Variants in VWC2L observed in about 807,000 individuals in gnomAD.
VWC2L encodes the protein von Willebrand factor C domain containing 2 like, also known as von Willebrand factor C domain-containing protein 2-like.
In VWC2L, 10 loss-of-function variants were observed where a neutral mutation model predicts 21.6. The observed-to-expected ratio is 0.46, with a 90% confidence interval of 0.29 to 0.78. VWC2L has a LOEUF of 0.78. Ranked by LOEUF, VWC2L falls within the 30% of genes least tolerant of loss-of-function variation. The pLI is 0.10. For synonymous variants in VWC2L, 96 were observed against 94.3 expected (o/e 1.02, Z -0.10); for missense variants, 209 against 277.1 (o/e 0.75, Z 1.74).
chr2:214,539,818 T>G (rs769562778), intron 3 of VWC2L, among the ~76,000 whole-genome samples: 2 of 152,160 alleles, frequency 1.3e-5, no homozygotes, highest in Non-Finnish European at 2.9e-5. Flanking sequence ...ATACATTGTA[T>G]TAAACAAATT....
At chr2:214,560,375 TGG>T (rs1255990754) in intron 3 of VWC2L, among the ~76,000 whole-genome samples, 6 of 152,108 alleles carry the variant, frequency 3.9e-5, no homozygotes, top group African/African-American at 1.4e-4. Flanking sequence ...TGTGGGTGGG[TGG>T]GCGTGTCTGT....
chr2:214,467,401 TTCC>T (rs1336639596), intron 3 of VWC2L, among the ~76,000 whole-genome samples: 2 of 152,138 alleles, frequency 1.3e-5, no homozygotes, highest in Admixed American at 6.5e-5. Context: ...TTAGCCCTGT[TTCC>T]TCAACTTTTG....
chr2:214,452,550 A>T (rs1031732525), intron 3 of VWC2L, among the ~76,000 whole-genome samples: 19 of 152,196 alleles, frequency 1.2e-4, no homozygotes, highest in Non-Finnish European at 1.5e-5. Flanking sequence ...TATTACAAAT[A>T]AAGCTGCTAG....
intron 3 of VWC2L, among the ~76,000 whole-genome samples, chr2:214,539,054 C>A (rs950260760): frequency 2.0e-5 from 3 of 152,086 alleles, no homozygotes; most frequent in African/African-American, 7.2e-5. Context: ...TGCTGCAATG[C>A]TGCCTCATAA....
chr2:214,437,156 G>C (rs1702690071), intron 3 of VWC2L, among the ~76,000 whole-genome samples: 1 of 152,106 alleles, frequency 6.6e-6, no homozygotes, highest in Non-Finnish European at 1.5e-5. Flanking sequence ...CAGGTATTTT[G>C]TTTTGAATGT....
chr2:214,521,180 G>A lies in VWC2L; in HGVS notation c.521-54492G>A, dbSNP rs138701198. The stretch of plus-strand genomic sequence containing the variant: ...GCGAAGCTTGCAGTGAGTGGAGATC[G>A]CGCCACTGCACTCCAGCCTGGACGA... On this transcript the variant is annotated intron_variant, in intron 3 of 3. Coordinates refer to ENST00000312504, the MANE Select transcript of VWC2L (RefSeq NM_001080500.4). Among the ~76,000 whole-genome samples the A allele has an allele frequency of 7.5e-4, 114 of 151,052 alleles. 3 individuals carry two copies. The East Asian group carries it at 0.015, about 20-fold the overall frequency.
intron 3 of VWC2L, among the ~76,000 whole-genome samples, chr2:214,458,935 T>A (rs933216384): frequency 6.6e-6 from 1 of 152,232 alleles, no homozygotes; most frequent in South Asian, 2.1e-4. Flanking sequence ...GTTAGGTCCA[T>A]TTGGTCTAAT....
chr2:214,568,318 A>G (rs1388222044), intron 3 of VWC2L, among the ~76,000 whole-genome samples: 1 of 152,146 alleles, frequency 6.6e-6, no homozygotes, highest in African/African-American at 2.4e-5. Context: ...GATTTACCCC[A>G]TTTAAATGTC....
At chr2:214,509,175 A>G (rs1181679926) in intron 3 of VWC2L, among the ~76,000 whole-genome samples, 2 of 152,248 alleles carry the variant, frequency 1.3e-5, no homozygotes, top group East Asian at 3.9e-4. Context: ...ATTTCTAGAA[A>G]TCACCTCCCA....
intron 2 of VWC2L, among the ~76,000 whole-genome samples, chr2:214,428,953 C>T (rs1035529671): frequency 6.6e-6 from 1 of 152,128 alleles, no homozygotes; most frequent in Non-Finnish European, 1.5e-5. Context: ...CATCCACACA[C>T]GTTTAGCAGG....
At chr2:214,530,436 A>T (rs1264705013) in intron 3 of VWC2L, among the ~76,000 whole-genome samples, 1 of 152,176 alleles carries the variant, frequency 6.6e-6, no homozygotes, top group Non-Finnish European at 1.5e-5. Flanking sequence ...ATTTGCTTAC[A>T]ATACACATTA....
At chr2:214,494,545 C>A (rs1201396605) in intron 3 of VWC2L, among the ~76,000 whole-genome samples, 5 of 152,118 alleles carry the variant, frequency 3.3e-5, no homozygotes, top group African/African-American at 9.7e-5. Context: ...TTTAACCTCT[C>A]ATGTTTGTGA....
chr2:214,547,390 G>A (rs544825192), intron 3 of VWC2L, among the ~76,000 whole-genome samples: 2 of 152,250 alleles, frequency 1.3e-5, no homozygotes, highest in African/African-American at 4.8e-5. Flanking sequence ...CCTGGAGCAG[G>A]AGGGAGAATG....
intron 3 of VWC2L, among the ~76,000 whole-genome samples, chr2:214,464,491 G>C (rs1197378319): frequency 6.6e-6 from 1 of 152,058 alleles, no homozygotes; most frequent in Non-Finnish European, 1.5e-5. Context: ...CTTTCCCTCA[G>C]AGTCTCTCTC....
chr2:214,454,476 G>GTT (rs536544758), intron 3 of VWC2L, among the ~76,000 whole-genome samples: 2 of 138,228 alleles, frequency 1.4e-5, no homozygotes. Context: ...TTTTGTGTGG[G>GTT]TTTTTTTTTT....
At chr2:214,512,467 C>T (rs1012695019) in intron 3 of VWC2L, among the ~76,000 whole-genome samples, 3 of 151,986 alleles carry the variant, frequency 2.0e-5, no homozygotes, top group African/African-American at 7.3e-5. Flanking sequence ...AGACTTAATA[C>T]CTGGGTGACA....
intron 3 of VWC2L, among the ~76,000 whole-genome samples, chr2:214,452,348 T>C (rs950918483): frequency 6.6e-6 from 1 of 152,164 alleles, no homozygotes; most frequent in East Asian, 1.9e-4. Context: ...GTTTTTGCCA[T>C]GTTGCCCAGG....
intron 1 of VWC2L, among the ~76,000 whole-genome samples, chr2:214,413,475 A>G (rs1214580312): frequency 1.3e-5 from 2 of 152,108 alleles, no homozygotes; most frequent in Non-Finnish European, 2.9e-5. Context: ...ATCACTATGG[A>G]ATAGTTATGT....
chr2:214,447,822 C>G (rs955869646), intron 3 of VWC2L, among the ~76,000 whole-genome samples: 3 of 152,082 alleles, frequency 2.0e-5, no homozygotes. Flanking sequence ...TCTTGCATCT[C>G]CACGTCATTG....
Sources: allele counts gnomAD v4.1 joint callset (sites outside exome capture counted in the v4.1 genomes callset), GRCh38; gene constraint gnomAD v4.1.1; transcripts MANE v1.5; gene names NCBI Gene and HGNC (gene_info 2026-07-23, HGNC 2026-07-21).